CFAP299: variants seen among roughly 807,000 people sequenced by gnomAD.
CFAP299 encodes the protein cilia and flagella associated protein 299, also known as cilia- and flagella-associated protein 299.
CFAP299 carries 21 observed loss-of-function variants against 27.0 expected under a neutral mutation model. The ratio of observed to expected loss-of-function variants is 0.78; its 90% CI spans 0.55 to 1.12. The LOEUF is 1.12. CFAP299 is among the 50% of genes most tolerant of loss of function. The probability of loss-of-function intolerance (pLI) is 0.00; values close to 1 mark genes in which losing one functional copy is unlikely to be tolerated. For synonymous variants in CFAP299, 104 were observed against 98.1 expected (o/e 1.06, Z -0.36); for missense variants, 310 against 276.6 (o/e 1.12, Z -0.86).
chr4:80,437,124 A>C (rs916709668), intron 2 of CFAP299, among the ~76,000 whole-genome samples: 4 of 152,194 alleles, frequency 2.6e-5, no homozygotes, highest in Non-Finnish European at 4.4e-5. Context: ...ACTACAGTGA[A>C]TTATCCTACA....
chr4:80,738,830 G>A (rs1179309309), intron 3 of CFAP299, among the ~76,000 whole-genome samples: 6 of 151,056 alleles, frequency 4.0e-5, no homozygotes, highest in Non-Finnish European at 8.9e-5. Context: ...TTTCTTCCTG[G>A]TATTCCTTTT....
At chr4:80,908,194 G>A (rs1376618280) in intron 4 of CFAP299, among the ~76,000 whole-genome samples, 1 of 152,194 alleles carries the variant, frequency 6.6e-6, no homozygotes, top group Non-Finnish European at 1.5e-5. Context: ...GTAAGTTAGA[G>A]CGTGTGTAAT....
At chr4:80,924,713 T>C (rs1736221798) in intron 4 of CFAP299, among the ~76,000 whole-genome samples, 1 of 151,422 alleles carries the variant, frequency 6.6e-6, no homozygotes, top group Non-Finnish European at 1.5e-5. Flanking sequence ...TCACAAGCTA[T>C]AGATGAGAAT....
chr4:80,663,198 A>G (rs561375417), intron 3 of CFAP299, among the ~76,000 whole-genome samples: 1 of 152,294 alleles, frequency 6.6e-6, no homozygotes, highest in East Asian at 1.9e-4. Flanking sequence ...GGTTTGTTAC[A>G]TACGTATACA....
At chr4:80,651,094 A>G (rs1239705641) in intron 3 of CFAP299, among the ~76,000 whole-genome samples, 1 of 152,134 alleles carries the variant, frequency 6.6e-6, no homozygotes, top group African/African-American at 2.4e-5. Context: ...TAAATTTTAT[A>G]TTAATGTACT....
intron 3 of CFAP299, among the ~76,000 whole-genome samples, chr4:80,827,024 C>T (rs1730023826): frequency 6.6e-6 from 1 of 151,554 alleles, no homozygotes; most frequent in Non-Finnish European, 1.5e-5. Flanking sequence ...AAAATGAAAA[C>T]AGCATACCAA....
chr4:80,858,620 G>A (rs1288413591), intron 3 of CFAP299, among the ~76,000 whole-genome samples: 9 of 151,908 alleles, frequency 5.9e-5, no homozygotes, highest in Non-Finnish European at 1.2e-4. Context: ...CTTTGTTCTC[G>A]TTGGTTTCAA....
chr4:80,582,260 G>A (rs948437837), intron 2 of CFAP299, among the ~76,000 whole-genome samples: 2 of 151,642 alleles, frequency 1.3e-5, no homozygotes, highest in African/African-American at 2.4e-5. Flanking sequence ...CTGATACTCG[G>A]TCTATATCTC....
At chr4:80,358,960 T>A (rs1385877573) in intron 1 of CFAP299, among the ~76,000 whole-genome samples, 3 of 152,184 alleles carry the variant, frequency 2.0e-5, no homozygotes, top group Non-Finnish European at 2.9e-5. Flanking sequence ...CTGGTAATGG[T>A]CTTTCCTTTC....
At chr4:80,684,282 G>T (rs1414752578) in intron 3 of CFAP299, among the ~76,000 whole-genome samples, 5 of 151,302 alleles carry the variant, frequency 3.3e-5, no homozygotes, top group Non-Finnish European at 1.5e-5. Context: ...TTTGGGGGGG[G>T]GGGACGGAGC....
chr4:80,434,114 A>G (rs1239183349), intron 2 of CFAP299, among the ~76,000 whole-genome samples: 2 of 152,228 alleles, frequency 1.3e-5, no homozygotes, highest in South Asian at 2.1e-4. Flanking sequence ...TTTAGATGTT[A>G]AAAATATTCT....
At chr4:80,872,812 C>T (rs1397421623) in intron 4 of CFAP299, 1 of 802,110 alleles carries the variant, frequency 1.2e-6, no homozygotes, top group East Asian at 1.3e-4. Context: ...GTGAGCTATT[C>T]TTTTTCTTGC....
chr4:80,790,347 G>C (rs569501476), intron 3 of CFAP299: 3 of 152,146 alleles, frequency 2.0e-5, no homozygotes, highest in South Asian at 4.1e-4. Context: ...CCCTGTCTTA[G>C]TGGTCAGAGC....
intron 3 of CFAP299, among the ~76,000 whole-genome samples, chr4:80,687,947 G>A (rs749737575): frequency 6.6e-6 from 1 of 152,174 alleles, no homozygotes; most frequent in African/African-American, 2.4e-5. Context: ...CTGGAAGAAA[G>A]GGTCACTCCC....
intron 1 of CFAP299, among the ~76,000 whole-genome samples, chr4:80,347,723 T>A (rs1389925501): frequency 6.6e-6 from 1 of 152,178 alleles, no homozygotes; most frequent in Non-Finnish European, 1.5e-5. Context: ...AATTTATAGA[T>A]ACAATGCTAT....
intron 3 of CFAP299, among the ~76,000 whole-genome samples, chr4:80,749,344 A>G (rs1450091004): frequency 1.3e-5 from 2 of 152,214 alleles, no homozygotes; most frequent in East Asian, 1.9e-4. Flanking sequence ...GAATTAAAAA[A>G]ATTCATCTTA....
At chr4:80,732,070 G>GACACAC (rs76562370) in intron 3 of CFAP299, among the ~76,000 whole-genome samples, 1,956 of 110,490 alleles carry the variant, frequency 0.018, 19 homozygotes, top group South Asian at 0.089. Context: ...CAGACACACA[G>GACACAC]ACACACACAC....
intron 2 of CFAP299, among the ~76,000 whole-genome samples, chr4:80,392,693 T>G (rs1284710340): frequency 6.6e-6 from 1 of 152,148 alleles, no homozygotes; most frequent in Non-Finnish European, 1.5e-5. Context: ...CTTCTTCCCT[T>G]TATAAATTAC....
chr4:80,742,172 T>G (rs973845618), intron 3 of CFAP299, among the ~76,000 whole-genome samples: 5 of 152,184 alleles, frequency 3.3e-5, no homozygotes, highest in African/African-American at 1.2e-4. Flanking sequence ...ATTGCTCATG[T>G]GATTTTGTAT....
Sources: allele counts gnomAD v4.1 joint callset (sites outside exome capture counted in the v4.1 genomes callset), GRCh38; gene constraint gnomAD v4.1.1; transcripts MANE v1.5; gene names NCBI Gene and HGNC (gene_info 2026-07-23, HGNC 2026-07-21).